The following CADM1 variants were observed in gnomAD, a reference collection of about 807,000 sequenced individuals.
The protein encoded by CADM1 is cell adhesion molecule 1.
Under a neutral mutation model 53.1 loss-of-function variants are expected in CADM1, and 15 were observed. That is an observed-to-expected ratio of 0.28 (90% CI 0.19 to 0.44). The LOEUF (loss-of-function observed/expected upper bound fraction) is 0.44. Among genes scored for constraint, CADM1 ranks in the 20% least tolerant of loss-of-function variants. The pLI, the probability that CADM1 is intolerant of heterozygous loss-of-function variation, is 1.00. For missense variants in CADM1, 434 were observed against 611.3 expected (o/e 0.71, Z 3.06); for synonymous variants, 281 against 243.0 (o/e 1.16, Z -1.45).
At chr11:115,272,085 T>A (rs1368536288) in intron 1 of CADM1, among the ~76,000 whole-genome samples, 1 of 151,978 alleles carries the variant, frequency 6.6e-6, no homozygotes, top group African/African-American at 2.4e-5. Flanking sequence ...AGATTTTTTT[T>A]TTTTTAGGAA....
intron 1 of CADM1, among the ~76,000 whole-genome samples, chr11:115,346,810 C>G (rs1448246257): frequency 2.0e-5 from 3 of 152,090 alleles, no homozygotes; most frequent in African/African-American, 7.2e-5. Context: ...TGTTGGTGTT[C>G]AATTGTTCCA....
intron 1 of CADM1, among the ~76,000 whole-genome samples, chr11:115,311,823 T>C (rs1944539768): frequency 6.6e-6 from 1 of 152,134 alleles, no homozygotes; most frequent in Non-Finnish European, 1.5e-5. Flanking sequence ...TTAAGAAAAC[T>C]AAGATTAATC....
intron 1 of CADM1, among the ~76,000 whole-genome samples, chr11:115,305,023 A>G (rs575429572): frequency 6.6e-6 from 1 of 152,150 alleles, no homozygotes; most frequent in Non-Finnish European, 1.5e-5. Context: ...GACTGCACAG[A>G]CTGTCTCAAC....
chr11:115,331,039 G>C (rs1233939978), intron 1 of CADM1, among the ~76,000 whole-genome samples: 1 of 152,094 alleles, frequency 6.6e-6, no homozygotes, highest in African/African-American at 2.4e-5. Context: ...TGGGGGGCCT[G>C]GTGAAGAAAC....
chr11:115,178,499 T>TTTCTTTTC, intron 11 of CADM1, 145 bp downstream of exon 11: 1 of 809,442 alleles, frequency 1.2e-6, no homozygotes, highest in Non-Finnish European at 2.0e-6. Flanking sequence ...TTTTTTTTTT[T>TTTCTTTTC]TCTCTTCTCT....
chr11:115,187,236 CTT>C lies in CADM1; in HGVS notation c.1165+3650_1165+3651del, dbSNP rs1376187855. On this transcript the variant is annotated intron_variant, in intron 10 of 11. Transcript: ENST00000331581. ...GCCTGTTTGCCAAATCTGGGCCACT[CTT>C]TATGTGGGGGTTAGGAAAGAGTTCC... is the stretch of plus-strand genomic sequence containing the variant. Among the ~76,000 whole-genome samples, 5 of 152,286 alleles carry C rather than the reference CTT, an allele frequency of 3.3e-5. 1 individual carries two copies. Among genetic ancestry groups the C allele is most frequent in the Admixed American group, 6.5e-5 (1 of 15,298 alleles).
intron 1 of CADM1, among the ~76,000 whole-genome samples, chr11:115,294,199 C>G (rs1943985897): frequency 6.6e-6 from 1 of 152,146 alleles, no homozygotes; most frequent in East Asian, 1.9e-4. Flanking sequence ...CCACACCCCT[C>G]TAGACTCTTC....
intron 1 of CADM1, among the ~76,000 whole-genome samples, chr11:115,295,550 A>ATTATATATATATGTATATTAT (rs371584699): frequency 1.9e-5 from 1 of 53,004 alleles, no homozygotes; most frequent in African/African-American, 1.3e-4. Flanking sequence ...ATATATATAT[A>ATTATATATATATGTATATTAT]ATATATATGT....
chr11:115,353,573 T>C (rs986387469), intron 1 of CADM1, among the ~76,000 whole-genome samples: 1 of 152,230 alleles, frequency 6.6e-6, no homozygotes, highest in African/African-American at 2.4e-5. Flanking sequence ...CCTTCTCTCA[T>C]GTCAACTTCA....
At chr11:115,248,718 T>C (rs1942492756) in intron 1 of CADM1, among the ~76,000 whole-genome samples, 1 of 152,204 alleles carries the variant, frequency 6.6e-6, no homozygotes, top group African/African-American at 2.4e-5. Context: ...ATAGCATCTT[T>C]TTTAGAGAGA....
intron 1 of CADM1, among the ~76,000 whole-genome samples, chr11:115,289,209 A>G (rs1321313498): frequency 2.0e-5 from 3 of 152,022 alleles, no homozygotes; most frequent in Non-Finnish European, 4.4e-5. Flanking sequence ...TACTAAAAAT[A>G]CAAAAATTAG....
At chr11:115,435,958 A>G (rs1337342922) in intron 1 of CADM1, among the ~76,000 whole-genome samples, 1 of 152,152 alleles carries the variant, frequency 6.6e-6, no homozygotes, top group Non-Finnish European at 1.5e-5. Context: ...CACGACGGTA[A>G]ACATCTAAGA....
intron 1 of CADM1, among the ~76,000 whole-genome samples, chr11:115,257,915 C>A (rs569880513): frequency 5.6e-4 from 85 of 152,286 alleles, no homozygotes; most frequent in Non-Finnish European, 1.1e-3. Context: ...GGGGCCCAGG[C>A]GTTTGCATGC....
chr11:115,217,980 C>T lies in CADM1; in HGVS notation c.733G>A (p.Val245Met), dbSNP rs772463965. Residue 245 changes from valine (V) to methionine (M), a missense_variant, in exon 6 of 12, where the codon GTG becomes ATG. Transcript: ENST00000331581. ...RYLEVQYKPQ[V>M]HIQMTYPLQG... ...AGAGGATAAGTCATCTGAATGTGCACTTGAGGCTTATCTGTGTGACAAAAA... is the reference window on the plus strand; with the variant it reads ...AGAGGATAAGTCATCTGAATGTGCATTTGAGGCTTATCTGTGTGACAAAAA... 54 of 1,612,046 alleles carry T rather than the reference C, an allele frequency of 3.3e-5. No homozygotes were observed. Among genetic ancestry groups the T allele is most frequent in the Non-Finnish European group, 4.4e-5 (52 of 1,178,380 alleles).
At chr11:115,210,233 C>T (rs1486836429) in intron 7 of CADM1, among the ~76,000 whole-genome samples, 1 of 152,150 alleles carries the variant, frequency 6.6e-6, no homozygotes, top group African/African-American at 2.4e-5. Context: ...AAGTTCCAGG[C>T]ATGTGAGATT....
intron 1 of CADM1, among the ~76,000 whole-genome samples, chr11:115,249,141 TG>T (rs1335637846): frequency 6.6e-6 from 1 of 152,222 alleles, no homozygotes; most frequent in Non-Finnish European, 1.5e-5. Flanking sequence ...AATTCAAAGC[TG>T]GGTGGTATTC....
intron 1 of CADM1, among the ~76,000 whole-genome samples, chr11:115,402,755 C>T (rs1313320119): frequency 6.6e-6 from 1 of 151,868 alleles, no homozygotes; most frequent in Non-Finnish European, 1.5e-5. Context: ...CTACATACTC[C>T]GTTTATGAGG....
chr11:115,190,656 T>C lies in CADM1; in HGVS notation c.1165+232A>G, dbSNP rs984130901. The C allele has an allele frequency of 5.7e-6, 3 of 529,692 alleles. No homozygotes were observed. In the African/African-American group the frequency reaches 5.7e-5, roughly 10 times the overall value. The allele number at this position is 529,692 out of a possible 1,614,324, so 32.8% of individuals were successfully genotyped here. A position where few individuals can be genotyped will look rare whatever the true frequency, so the allele number is the denominator to read the frequency against. On this transcript the variant is annotated intron_variant, in intron 10 of 11. Coordinates refer to ENST00000331581, the MANE Select transcript of CADM1 (RefSeq NM_001301043.2). ...TTAGTACAATCCCAAAGGTAACTTG[T>C]CCTCTCCTGCGTTAATTAAATTGTC...
At chr11:115,388,221 T>C (rs1223854092) in intron 1 of CADM1, among the ~76,000 whole-genome samples, 8 of 152,070 alleles carry the variant, frequency 5.3e-5, no homozygotes, top group South Asian at 2.1e-4. Flanking sequence ...GATAGATGGA[T>C]AGACAGACTG....
Sources: gnomAD v4.1 joint callset for allele counts (sites outside exome capture counted in the v4.1 genomes callset) on GRCh38, gnomAD v4.1.1 for gene constraint, MANE v1.5 for transcripts, NCBI Gene and HGNC (gene_info 2026-07-23, HGNC 2026-07-21) for gene names.